Variants in TIAM2 observed in about 807,000 individuals in gnomAD.
TIAM2 encodes the protein TIAM Rac1 associated GEF 2, also known as rho guanine nucleotide exchange factor TIAM2.
Under a neutral mutation model 152.9 loss-of-function variants are expected in TIAM2, and 80 were observed. The observed-to-expected ratio is 0.52, with a 90% CI of 0.44 to 0.63. The LOEUF is 0.63. Ranked by LOEUF, TIAM2 falls within the 30% of genes least tolerant of loss-of-function variation. The probability of loss-of-function intolerance (pLI) is 0.00; values close to 1 mark genes in which losing one functional copy is unlikely to be tolerated. For missense variants in TIAM2, 1,965 were observed against 2,120.1 expected (o/e 0.93, Z 1.44); for synonymous variants, 804 against 838.0 (o/e 0.96, Z 0.70).
In TIAM2 at chr6:155,156,700, G is replaced by T. The variant is rs1780125746; in HGVS notation, c.2029-7715G>T. ...TAAAGTAAAAAAATAAAAAGCACATGTGATCCTGTGATTGCCAGATAAAGT... is the reference window on the plus strand; with the variant it reads ...TAAAGTAAAAAAATAAAAAGCACATTTGATCCTGTGATTGCCAGATAAAGT... On this transcript the variant is annotated intron_variant, in intron 7 of 26. Transcript: ENST00000682666. This position sits in a 1 kb window ranked among gnomAD's most constrained non-coding sequence, Gnocchi z 4.4. Among the ~76,000 whole-genome samples the T allele has an allele frequency of 6.6e-6, 1 of 152,030 alleles. No individual in the cohort carries two copies. The highest frequency in any genetic ancestry group is 2.4e-5 in the African/African-American group (1 of 41,398).
At chr6:155,250,047 C>T in intron 21 of TIAM2, 78 bp downstream of exon 21, 1 of 1,013,942 alleles carries the variant, frequency 9.9e-7, no homozygotes, top group Non-Finnish European at 1.5e-6. Context: ...ATAGGCTGCC[C>T]TGTTAGGACT....
intron 1 of TIAM2, among the ~76,000 whole-genome samples, chr6:155,046,331 CTTTTTTTT>C (rs1164422319): frequency 1.2e-5 from 1 of 80,812 alleles, no homozygotes; most frequent in East Asian, 3.9e-4. Context: ...TTGGCTCTGT[CTTTTTTTT>C]TTTTTTTTTT....
chr6:155,096,247 G>C (rs1778418840), intron 2 of TIAM2, among the ~76,000 whole-genome samples: 1 of 152,140 alleles, frequency 6.6e-6, no homozygotes, highest in Admixed American at 6.5e-5. Context: ...GATGTACATA[G>C]TTCTGGGGTA....
At chr6:155,001,147 A>AAAGG (rs1778306692) in intron 1 of TIAM2, among the ~76,000 whole-genome samples, 1 of 152,112 alleles carries the variant, frequency 6.6e-6, no homozygotes, top group Non-Finnish European at 1.5e-5. Context: ...CCAGAAATAT[A>AAAGG]AAGGAAGTGC....
chr6:155,187,580 T>C (rs1781076566), intron 14 of TIAM2, among the ~76,000 whole-genome samples: 1 of 122,826 alleles, frequency 8.1e-6, no homozygotes, highest in Admixed American at 8.1e-5. Flanking sequence ...CCCCTTTTTT[T>C]TTTTTTTTTT....
chr6:155,256,393 AATGTT>A, intron 26 of TIAM2, 86 bp from the exon 27 acceptor site: 1 of 1,552,378 alleles, frequency 6.4e-7, no homozygotes, highest in Non-Finnish European at 8.7e-7. Flanking sequence ...ATAAAATCTT[AATGTT>A]AAATCTTACA....
chr6:155,134,406 C>G (rs548880959), intron 4 of TIAM2, among the ~76,000 whole-genome samples: 1 of 112,986 alleles, frequency 8.9e-6, no homozygotes, highest in South Asian at 3.4e-4. Context: ...CACCCCCCCC[C>G]ATTTCTGAAA....
intron 2 of TIAM2, among the ~76,000 whole-genome samples, chr6:155,093,464 A>C (rs1025984409): frequency 6.6e-6 from 1 of 152,194 alleles, no homozygotes; most frequent in African/African-American, 2.4e-5. Flanking sequence ...CTTAGCAGGG[A>C]ACCCAATTCC....
At chr6:155,035,172 A>G (rs890249032) in intron 1 of TIAM2, among the ~76,000 whole-genome samples, 1 of 144,230 alleles carries the variant, frequency 6.9e-6, no homozygotes, top group Admixed American at 7.2e-5. Context: ...TGTGCAAGTG[A>G]TGTAAGTTTT....
chr6:155,149,191 C>T (rs1462520437), intron 7 of TIAM2: 2 of 167,180 alleles, frequency 1.2e-5, no homozygotes, highest in East Asian at 3.9e-4. Flanking sequence ...TTCGTCCCCT[C>T]AGGCCAGCAG....
At chr6:155,018,049 A>G (rs1380168340) in intron 1 of TIAM2, among the ~76,000 whole-genome samples, 1 of 152,072 alleles carries the variant, frequency 6.6e-6, no homozygotes, top group Non-Finnish European at 1.5e-5. Flanking sequence ...TTACATGTCA[A>G]AACAATGATA....
In TIAM2 at chr6:155,220,428, C is replaced by T. The variant is rs1399259195; in HGVS notation, c.3168+9121C>T. Among the ~76,000 whole-genome samples the T allele has an allele frequency of 2.6e-5, 4 of 152,126 alleles. 1 individual carries two copies. The highest frequency in any genetic ancestry group is 1.3e-4 in the Admixed American group (2 of 15,278). On this transcript the variant is annotated intron_variant, in intron 15 of 26. Coordinates refer to ENST00000682666, the MANE Select transcript of TIAM2 (RefSeq NM_012454.4). ...TGGCGAGGCTGGTCTGGAGGCCTGG[C>T]GGGCTGCACAGTAAGAACCCCAGGA...
intron 5 of TIAM2, among the ~76,000 whole-genome samples, chr6:155,143,730 T>C (rs894081171): frequency 3.9e-5 from 6 of 152,152 alleles, no homozygotes; most frequent in African/African-American, 1.2e-4. Flanking sequence ...GGATGAGGGC[T>C]TTGGGGCCAG....
chr6:155,144,030 A>G (rs905388965), intron 5 of TIAM2, among the ~76,000 whole-genome samples: 1 of 152,130 alleles, frequency 6.6e-6, no homozygotes, highest in African/African-American at 2.4e-5. Context: ...TGATTACGTG[A>G]TTGACAGTTC....
At position 155,257,271 on chromosome 6, in the gene TIAM2, A is replaced by AAGTT. The variant is rs1356731350; in HGVS notation, c.*152_*155dup. The AAGTT allele has an allele frequency of 6.8e-6, 6 of 882,164 alleles. No individual in the cohort carries two copies. Among genetic ancestry groups the AAGTT allele is most frequent in the Non-Finnish European group, 8.4e-6 (5 of 597,396 alleles). 54.6% of individuals were successfully genotyped at this position (882,164 alleles called of 1,614,324 possible). A position where few individuals can be genotyped will look rare whatever the true frequency, so the allele number is the denominator to read the frequency against. ...TCCCACAAAATGGTTGTAAAGATTT[A>AAGTT]AGTTATTTTAATTTATTGTGGATCA... On this transcript the variant is annotated 3_prime_UTR_variant, in exon 27 of 27. Coordinates refer to ENST00000682666, the MANE Select transcript of TIAM2 (RefSeq NM_012454.4).
In TIAM2 at chr6:155,203,005, C is replaced by A. The variant is rs376709010; in HGVS notation, c.3065-8199C>A. ...CGGAGGTCGCAGTGAGCTGAGTTCA[C>A]GCCACTGCACTCCAGCCTGGGTGAC... On this transcript the variant is annotated intron_variant, in intron 14 of 26. Transcript: ENST00000682666. 2.2e-3 allele frequency among the ~76,000 whole-genome samples: 307 copies of A among 142,090 alleles called. 1 individual carries two copies. Among genetic ancestry groups the A allele is most frequent in the African/African-American group, 7.8e-3 (289 of 36,858 alleles). The allele number at this position is 142,090 out of a possible 152,430, so 93.2% of individuals were successfully genotyped here.
At position 155,129,270 on chromosome 6, in the gene TIAM2, A is replaced by G; in HGVS notation, c.47A>G (p.His16Arg). The G allele has an allele frequency of 6.2e-7, 1 of 1,614,226 alleles. No homozygotes were observed. The highest frequency in any genetic ancestry group is 8.5e-7 in the Non-Finnish European group (1 of 1,180,038). The change falls in exon 4 of 27, where the codon CAT becomes CGT. Residue 16 changes from histidine to arginine, a missense_variant. Around this residue, in one of 3 missense-constraint regions of TIAM2, gnomAD observed 1,025 missense variants for 1,119.4 expected, o/e 0.92. Transcript: ENST00000682666. The surrounding 1 kb of genome is among the most constrained non-coding windows in gnomAD (Gnocchi z 4.8). ...TACACCCTTCAAGGATCTAAAAATC[A>G]TAGCAATACTATTACTGGTGCTAAG... is the stretch of plus-strand genomic sequence containing the variant. ...SQYTLQGSKN[H>R]SNTITGAKQI...
chr6:155,157,877 G>A (rs540694800), intron 7 of TIAM2, among the ~76,000 whole-genome samples: 2 of 152,234 alleles, frequency 1.3e-5, no homozygotes, highest in East Asian at 1.9e-4. Context: ...TTTTCAGGTC[G>A]ATTTGATGGG....
At position 155,024,426 on chromosome 6, in the gene TIAM2, T is replaced by C. The variant is rs144990937; in HGVS notation, c.-209+28934T>C. ...TGGAAGAAATTGTGCATTTTTTTTT[T>C]CCCTGAGAGTGTCATAAAAGCTGGG... is the stretch of plus-strand genomic sequence containing the variant. On this transcript the variant is annotated intron_variant, in intron 1 of 26. Transcript: ENST00000682666. 7.0e-3 allele frequency among the ~76,000 whole-genome samples: 1,066 copies of C among 152,228 alleles called. 10 individuals carry two copies. The highest frequency in any genetic ancestry group is 0.024 in the African/African-American group (1,005 of 41,528).
Sources: allele counts gnomAD v4.1 joint callset (sites outside exome capture counted in the v4.1 genomes callset), GRCh38; gene constraint gnomAD v4.1.1; regional missense constraint gnomAD v4.1.1; non-coding constraint Gnocchi (gnomAD v3.1); transcripts MANE v1.5; gene names NCBI Gene and HGNC (gene_info 2026-07-23, HGNC 2026-07-21).